The following NECTIN2 variants were observed in gnomAD, a reference collection of about 807,000 sequenced individuals.
NECTIN2 encodes nectin-2.
A neutral mutation model predicts 56.9 loss-of-function variants in NECTIN2; 23 were observed. That is an observed-to-expected ratio of 0.40 (90% CI 0.29 to 0.57). NECTIN2 has a LOEUF of 0.57. Ranked by LOEUF, NECTIN2 falls within the 20% of genes least tolerant of loss-of-function variation. The probability of loss-of-function intolerance (pLI) is 0.38; values close to 1 mark genes in which losing one functional copy is unlikely to be tolerated. For synonymous variants in NECTIN2, 302 were observed against 313.8 expected, an observed-to-expected ratio of 0.96 and a Z score of 0.40; for missense variants, 587 against 718.3, an observed-to-expected ratio of 0.82 and a Z score of 2.09.
intron 2 of NECTIN2, among the ~76,000 whole-genome samples, chr19:44,868,459 C>T (rs117877932): frequency 4.7e-5 from 5 of 105,386 alleles, no homozygotes; most frequent in South Asian, 3.7e-4. Context: ...TTTTTCTTTT[C>T]CTTTTTCTTT....
At chr19:44,887,507 T>G (rs1357512150) in intron 8 of NECTIN2, among the ~76,000 whole-genome samples, 1 of 142,252 alleles carries the variant, frequency 7.0e-6, no homozygotes, top group African/African-American at 2.7e-5. Flanking sequence ...TAGCTGGGCG[T>G]GGTGGCGGGC....
rs1285615026 is a variant in NECTIN2 at position 44,871,841 on chromosome 19, TCCTC to T, written c.479-11_479-8del. Reference sequence around the variant, plus strand: ...GTGAGGAGTGACGCACCCCCTCTCCTCCTCTCCCCAGCCAAGCCCAAGAACCAAG... The same window carrying T: ...GTGAGGAGTGACGCACCCCCTCTCCTTCCCCAGCCAAGCCCAAGAACCAAG... On this transcript the variant is annotated splice_region_variant and splice_polypyrimidine_tract_variant and intron_variant, in intron 2 of 8. Coordinates refer to ENST00000252483, the MANE Select transcript of NECTIN2 (RefSeq NM_001042724.2). 6.2e-7 allele frequency: 1 copy of T among 1,608,596 alleles called. No homozygotes were observed. The highest frequency in any genetic ancestry group is 1.1e-5 in the South Asian group (1 of 90,960).
At chr19:44,857,526 CT>C (rs35763320) in intron 1 of NECTIN2, among the ~76,000 whole-genome samples, 26,662 of 151,814 alleles carry the variant, frequency 0.18, 2,659 homozygotes, top group East Asian at 0.48. Context: ...CTCAGCCCCC[CT>C]AGCAGCTAGG....
At chr19:44,882,940 C>A (rs936389478) in intron 6 of NECTIN2, among the ~76,000 whole-genome samples, 1 of 151,764 alleles carries the variant, frequency 6.6e-6, no homozygotes, top group African/African-American at 2.4e-5. Flanking sequence ...CACCACCATG[C>A]CCAGCTAATT....
intron 6 of NECTIN2, among the ~76,000 whole-genome samples, chr19:44,884,202 C>G (rs12972156): frequency 0.1 from 15,771 of 152,176 alleles, 1,030 homozygotes; most frequent in Non-Finnish European, 0.14. Flanking sequence ...CACTCTGTCC[C>G]TCAGGCTAGA....
chr19:44,861,572 C>A (rs1969031936), intron 1 of NECTIN2, among the ~76,000 whole-genome samples: 1 of 152,160 alleles, frequency 6.6e-6, no homozygotes, highest in Admixed American at 6.6e-5. Flanking sequence ...AACAGACAAC[C>A]TACAGAGTGG....
intron 5 of NECTIN2, among the ~76,000 whole-genome samples, chr19:44,880,557 G>C (rs556857288): frequency 7.6e-6 from 1 of 131,078 alleles, no homozygotes. Context: ...GTACGATCTC[G>C]GCTCACTGCA....
chr19:44,885,559 G>A (rs921235806), intron 6 of NECTIN2, among the ~76,000 whole-genome samples: 2 of 150,300 alleles, frequency 1.3e-5, no homozygotes, highest in South Asian at 2.1e-4. Context: ...TGATCCGCCC[G>A]CCTCAGCCTC....
At chr19:44,880,622 A>T (rs1599926250) in intron 5 of NECTIN2, among the ~76,000 whole-genome samples, 1 of 141,526 alleles carries the variant, frequency 7.1e-6, no homozygotes, top group African/African-American at 2.6e-5. Flanking sequence ...TGAGTAACGC[A>T]CCCAGCCTTT....
At chr19:44,878,654 C>G in intron 5 of NECTIN2, 2 of 1,555,076 alleles carry the variant, frequency 1.3e-6, no homozygotes, top group East Asian at 4.5e-5. Context: ...CCAGGCCCGG[C>G]CCTCCCGCCC....
rs774891679 is a variant in NECTIN2, at chr19:44,886,129, A to G, written c.1261-4A>G. The G allele has an allele frequency of 3.7e-6, 6 of 1,610,936 alleles. No homozygotes were observed. Among genetic ancestry groups the G allele is most frequent in the Non-Finnish European group, 4.2e-6 (5 of 1,177,610 alleles). The stretch of plus-strand genomic sequence containing the variant: ...CTGACCTCCCCGCCCCTCTCCCACT[A>G]CAGCCCTCCCAGCTCTTCACTCTGG... On this transcript the variant is annotated splice_region_variant and splice_polypyrimidine_tract_variant and intron_variant, in intron 7 of 8. Coordinates refer to ENST00000252483, the MANE Select transcript of NECTIN2 (RefSeq NM_001042724.2).
intron 1 of NECTIN2, among the ~76,000 whole-genome samples, chr19:44,860,345 C>G (rs1372962490): frequency 1.3e-5 from 2 of 152,118 alleles, no homozygotes; most frequent in East Asian, 3.9e-4. Flanking sequence ...GAATCCCCAT[C>G]TCTACAAAAA....
At chr19:44,879,583 G>T (rs1322474116) in intron 5 of NECTIN2, among the ~76,000 whole-genome samples, 1 of 152,098 alleles carries the variant, frequency 6.6e-6, no homozygotes, top group Non-Finnish European at 1.5e-5. Context: ...GTGGCTCCCT[G>T]GGAGTGGCGG....
At chr19:44,869,651 A>G (rs890668535) in intron 2 of NECTIN2, among the ~76,000 whole-genome samples, 8 of 151,790 alleles carry the variant, frequency 5.3e-5, no homozygotes, top group Non-Finnish European at 8.8e-5. Context: ...ATCAAGCCCA[A>G]AGCTTGAGGA....
intron 1 of NECTIN2, among the ~76,000 whole-genome samples, chr19:44,862,137 C>T (rs1045081472): frequency 2.0e-5 from 3 of 152,152 alleles, no homozygotes; most frequent in Non-Finnish European, 2.9e-5. Context: ...ATGTACAGGC[C>T]GGGCACTGTG....
chr19:44,871,866 C>T lies in NECTIN2; in HGVS notation c.492C>T (p.Asn164=). The change falls in exon 3 of 9, where the codon AAC becomes AAT. Residue 164 remains asparagine (N), a synonymous_variant. Transcript: ENST00000252483. ...TCCTCTCCCCAGCCAAGCCCAAGAACCAAGCTGAGGCCCAGAAGGTCACGT... is the reference window on the plus strand; with the variant it reads ...TCCTCTCCCCAGCCAAGCCCAAGAATCAAGCTGAGGCCCAGAAGGTCACGT... ...TWLRVIAKPK[N]QAEAQKVTFS... 6.2e-7 allele frequency: 1 copy of T among 1,612,760 alleles called. No homozygotes were observed. The highest frequency in any genetic ancestry group is 8.5e-7 in the Non-Finnish European group (1 of 1,178,806).
intron 5 of NECTIN2, chr19:44,878,274 T>G: frequency 3.2e-5 from 36 of 1,112,546 alleles, no homozygotes; most frequent in Non-Finnish European, 4.3e-5. Flanking sequence ...TGGGGGGCCG[T>G]GGGGGGGACA....
chr19:44,872,275 T>C (rs1599921331), intron 3 of NECTIN2, 126 bp downstream of exon 3: 5 of 979,614 alleles, frequency 5.1e-6, no homozygotes, highest in African/African-American at 1.6e-5. Context: ...TGCACTACCT[T>C]CCTGCCATTG....
At chr19:44,859,236 T>C (rs550568069) in intron 1 of NECTIN2, among the ~76,000 whole-genome samples, 36 of 152,322 alleles carry the variant, frequency 2.4e-4, no homozygotes, top group Non-Finnish European at 4.0e-4. Flanking sequence ...AGGCCACCTG[T>C]AATTAAACTG....
Sources: gnomAD v4.1 joint callset for allele counts (sites outside exome capture counted in the v4.1 genomes callset) on GRCh38, gnomAD v4.1.1 for gene constraint, MANE v1.5 for transcripts, NCBI Gene and HGNC (gene_info 2026-07-23, HGNC 2026-07-21) for gene names.